Variants in ZSCAN25 observed in about 807,000 individuals in gnomAD.
The protein encoded by ZSCAN25 is zinc finger and SCAN domain containing 25, also known as zinc finger and SCAN domain-containing protein 25.
Under a neutral mutation model 38.7 loss-of-function variants are expected in ZSCAN25, and 27 were observed. That is an observed-to-expected ratio of 0.70 (90% CI 0.51 to 0.96). The LOEUF (loss-of-function observed/expected upper bound fraction) is 0.96. Ranked by LOEUF, ZSCAN25 falls within the 40% of genes least tolerant of loss-of-function variation. The pLI is 0.00. For missense variants in ZSCAN25, 637 were observed against 705.9 expected, an observed-to-expected ratio of 0.90 and a Z score of 1.11; for synonymous variants, 273 against 277.7, an observed-to-expected ratio of 0.98 and a Z score of 0.17.
the ZSCAN25 span, among the ~76,000 whole-genome samples, chr7:99,687,820 C>A: frequency 4.1e-4 from 62 of 152,188 alleles, no homozygotes; most frequent in Non-Finnish European, 7.6e-4. Context: ...AACAGCTGAT[C>A]TCTTGGCAGA....
chr7:99,650,233 C>T, the ZSCAN25 span: 1 of 1,612,914 alleles, frequency 6.2e-7, no homozygotes, highest in Non-Finnish European at 8.5e-7. Flanking sequence ...CTTACTGAAC[C>T]TAGTTCCATA....
the ZSCAN25 span, among the ~76,000 whole-genome samples, chr7:99,657,623 A>G: frequency 1.3e-5 from 2 of 152,186 alleles, no homozygotes; most frequent in African/African-American, 2.4e-5. Context: ...GCTGAGTTCA[A>G]TTCCTGGATA....
intron 7 of ZSCAN25, among the ~76,000 whole-genome samples, chr7:99,626,839 A>G (rs1387900007): frequency 1.3e-5 from 2 of 152,222 alleles, no homozygotes; most frequent in African/African-American, 4.8e-5. Flanking sequence ...TGTAAGGCTC[A>G]GAGAGGTTAA....
chr7:99,722,179 A>T, the ZSCAN25 span: 1 of 1,269,304 alleles, frequency 7.9e-7, no homozygotes, highest in Non-Finnish European at 1.1e-6. Context: ...CTCTGTTTGT[A>T]GTTAGGCTGG....
chr7:99,663,777 T>C, the ZSCAN25 span: 2 of 1,258,748 alleles, frequency 1.6e-6, no homozygotes, highest in East Asian at 7.1e-5. Context: ...AAGTTTTAAA[T>C]GCTATCTCTC....
chr7:99,622,562 G>T lies in ZSCAN25; in HGVS notation c.603G>T (p.Leu201=). ...GTCCCTGCTCAGCACTACCTGTTCT[G>T]CAGGCGGGTCCTGGCCTCCCCGCAG... ...RAFQEQALPV[L]QAGPGLPAVN... is the part of the protein sequence containing the mutation. The change falls in exon 6 of 8, where the codon CTG becomes CTT. Residue 201 remains leucine (L), a synonymous_variant. Coordinates refer to ENST00000394152, the MANE Select transcript of ZSCAN25 (RefSeq NM_145115.3). 1.2e-6 allele frequency: 2 copies of T among 1,614,134 alleles called. No individual in the cohort carries two copies. The highest frequency in any genetic ancestry group is 2.2e-5 in the South Asian group (2 of 91,080).
At chr7:99,666,614 C>T in the ZSCAN25 span, 1 of 1,613,876 alleles carries the variant, frequency 6.2e-7, no homozygotes, top group African/African-American at 1.3e-5. Flanking sequence ...TTCAAGGTGA[C>T]AGGCTTGCCT....
At chr7:99,617,764 A>G (rs527977377) in intron 1 of ZSCAN25, among the ~76,000 whole-genome samples, 3 of 152,162 alleles carry the variant, frequency 2.0e-5, no homozygotes, top group East Asian at 3.9e-4. Context: ...AAGAGTCACA[A>G]TGGGTGGGGG....
chr7:99,631,919 AGCTAG>A lies in ZSCAN25; in HGVS notation c.*1902_*1906del. On this transcript the variant is annotated 3_prime_UTR_variant, in exon 8 of 8. Coordinates refer to ENST00000394152, the MANE Select transcript of ZSCAN25 (RefSeq NM_145115.3). Reference sequence around the variant, plus strand: ...TTTTTTCCCCCGTAATTATCAGAGCAGCTAGGCAGGGCTGACAGCCAGGCAGACTC... The same window carrying A: ...TTTTTTCCCCCGTAATTATCAGAGCAGCAGGGCTGACAGCCAGGCAGACTC... 3 of 985,508 alleles carry A rather than the reference AGCTAG, an allele frequency of 3.0e-6. No individual in the cohort carries two copies. Among genetic ancestry groups the A allele is most frequent in the Non-Finnish European group, 3.6e-6 (3 of 829,982 alleles). The allele number at this position is 985,508 out of a possible 1,614,324, so 61.0% of individuals were successfully genotyped here.
the ZSCAN25 span, among the ~76,000 whole-genome samples, chr7:99,716,507 T>C: frequency 6.6e-6 from 1 of 152,148 alleles, no homozygotes; most frequent in Non-Finnish European, 1.5e-5. Context: ...TAATGACAAA[T>C]GATGTCCTGG....
chr7:99,724,298 G>A, the ZSCAN25 span, among the ~76,000 whole-genome samples: 1 of 152,120 alleles, frequency 6.6e-6, no homozygotes, highest in African/African-American at 2.4e-5. Flanking sequence ...ACTGGACAAT[G>A]GTTCCAAATA....
At chr7:99,656,908 C>G in the ZSCAN25 span, among the ~76,000 whole-genome samples, 1,236 of 152,268 alleles carry the variant, frequency 8.1e-3, 23 homozygotes, top group African/African-American at 0.028. Flanking sequence ...GTTTGTATTT[C>G]TGTGGGATGG....
the ZSCAN25 span, among the ~76,000 whole-genome samples, chr7:99,642,857 C>G: frequency 6.6e-6 from 1 of 152,146 alleles, no homozygotes; most frequent in Non-Finnish European, 1.5e-5. Context: ...ACTAGTCACT[C>G]AAGCTCAGAT....
Position 99,632,101 on chromosome 7 carries a change from G to T in ZSCAN25, c.*2081G>T. ...ACAGCCAGCATTCCTCTGGGTTTCA[G>T]CAAGTTGGCATATCTTAAGCTTCAG... On this transcript the variant is annotated 3_prime_UTR_variant, in exon 8 of 8. Coordinates refer to ENST00000394152, the MANE Select transcript of ZSCAN25 (RefSeq NM_145115.3). 1.0e-6 allele frequency: 1 copy of T among 985,456 alleles called. No homozygotes were observed. The highest frequency in any genetic ancestry group is 1.2e-6 in the Non-Finnish European group (1 of 829,982). The allele number at this position is 985,456 out of a possible 1,614,324, so 61.0% of individuals were successfully genotyped here.
At chr7:99,707,239 C>T in the ZSCAN25 span, among the ~76,000 whole-genome samples, 4 of 152,292 alleles carry the variant, frequency 2.6e-5, no homozygotes, top group Admixed American at 1.3e-4. Flanking sequence ...GGTAGTCCTT[C>T]GTATCCAATA....
At chr7:99,713,732 A>G in the ZSCAN25 span, among the ~76,000 whole-genome samples, 1 of 152,126 alleles carries the variant, frequency 6.6e-6, no homozygotes, top group Admixed American at 6.5e-5. Flanking sequence ...CCTGAAACAA[A>G]TCTGGCTAAA....
chr7:99,629,773 G>A lies in ZSCAN25; in HGVS notation c.1388G>A (p.Cys463Tyr), dbSNP rs1385554183. 1 of 1,614,116 alleles carries A rather than the reference G, an allele frequency of 6.2e-7. No individual in the cohort carries two copies. Among genetic ancestry groups the A allele is most frequent in the Non-Finnish European group, 8.5e-7 (1 of 1,180,046 alleles). Reference protein sequence around the residue: ...HTGEKPYTCECGKSFSRNANL... With the variant: ...HTGEKPYTCEYGKSFSRNANL... Reference sequence around the variant, plus strand: ...GGGGAGAAGCCCTACACCTGCGAGTGTGGCAAGAGCTTCAGCAGGAATGCC... The same window carrying A: ...GGGGAGAAGCCCTACACCTGCGAGTATGGCAAGAGCTTCAGCAGGAATGCC... The change falls in exon 8 of 8, where the codon TGT becomes TAT. Residue 463 changes from cysteine to tyrosine, a missense_variant. Physicochemically the swap from Cys to Tyr is radical, Grantham distance 194. Transcript: ENST00000394152. This position sits in a 1 kb window ranked among gnomAD's most constrained non-coding sequence, Gnocchi z 5.6.
At chr7:99,626,337 G>A (rs1264046651) in intron 7 of ZSCAN25, among the ~76,000 whole-genome samples, 3 of 152,156 alleles carry the variant, frequency 2.0e-5, no homozygotes, top group African/African-American at 4.8e-5. Context: ...TGAGGACTCT[G>A]GGTCCTTGTT....
chr7:99,708,375 A>G, the ZSCAN25 span, among the ~76,000 whole-genome samples: 1 of 152,132 alleles, frequency 6.6e-6, no homozygotes, highest in Non-Finnish European at 1.5e-5. Context: ...ATTGTCTTGC[A>G]CTACTTCAAA....
Sources: allele counts gnomAD v4.1 joint callset (sites outside exome capture counted in the v4.1 genomes callset), GRCh38; gene constraint gnomAD v4.1.1; non-coding constraint Gnocchi (gnomAD v3.1); transcripts MANE v1.5; gene names NCBI Gene and HGNC (gene_info 2026-07-23, HGNC 2026-07-21).